AK9: variants seen among roughly 807,000 people sequenced by gnomAD.
The protein encoded by AK9 is adenylate kinase 9, also known as adenylate kinase domain containing 1.
In AK9, 191 loss-of-function variants were observed where a neutral mutation model predicts 239.6. That is an observed-to-expected ratio of 0.80 (90% confidence interval 0.71 to 0.90). The LOEUF (loss-of-function observed/expected upper bound fraction) is 0.90. AK9 is among the 40% of genes least tolerant of loss of function. The pLI is 0.00. For synonymous variants in AK9, 689 were observed against 721.0 expected, an observed-to-expected ratio of 0.96 and a Z score of 0.71; for missense variants, 1,995 against 2,214.7, an observed-to-expected ratio of 0.90 and a Z score of 1.99.
chr6:109,564,694 C>T (rs1360108475), intron 22 of AK9, 62 bp downstream of exon 22: 3 of 1,298,484 alleles, frequency 2.3e-6, no homozygotes, highest in African/African-American at 3.0e-5. Flanking sequence ...AATTAGGGAC[C>T]CTTTGTAAGA....
intron 8 of AK9, among the ~76,000 whole-genome samples, chr6:109,654,302 C>A (rs1799378752): frequency 6.6e-6 from 1 of 151,994 alleles, no homozygotes; most frequent in Non-Finnish European, 1.5e-5. Context: ...ATGTTTTGAA[C>A]AAGGCATCAC....
chr6:109,497,747 C>G (rs748847137), intron 37 of AK9, 49 bp downstream of exon 37: 2 of 1,576,062 alleles, frequency 1.3e-6, no homozygotes, highest in South Asian at 2.3e-5. Context: ...TGAACCACTT[C>G]TTTGGCGTAG....
chr6:109,500,034 T>TACACAC (rs36086518), intron 35 of AK9, among the ~76,000 whole-genome samples: 13,737 of 141,300 alleles, frequency 0.097, 685 homozygotes, highest in Admixed American at 0.14. Context: ...ATATATATGA[T>TACACAC]ACACACACAC....
chr6:109,579,600 A>T lies in AK9; in HGVS notation c.2141T>A (p.Leu714His), dbSNP rs967714289. The part of the protein sequence containing the change: ...ARKATEEELR[L>H]EEENRRLLEL... ...CAGTAGCCTTCGATTTTCTTCTTCG[A>T]GTCTCAATTCCTCTTCTGTGGCTTT... Residue 714 changes from leucine (L) to histidine (H), a missense_variant, in exon 20 of 41, where the codon CTC becomes CAC. Leu to His is a moderately conservative substitution (Grantham distance 99, BLOSUM62 -3). Around this residue, in one of 5 missense-constraint regions of AK9, gnomAD observed 1,290 missense variants for 1,392.7 expected, o/e 0.93. Coordinates refer to ENST00000424296, the MANE Select transcript of AK9 (RefSeq NM_001145128.3). The T allele has an allele frequency of 1.0e-5, 16 of 1,551,236 alleles. No individual in the cohort carries two copies. The highest frequency in any genetic ancestry group is 1.1e-5 in the Non-Finnish European group (13 of 1,146,816).
chr6:109,544,214 A>G (rs1783240613), intron 26 of AK9, among the ~76,000 whole-genome samples: 1 of 152,228 alleles, frequency 6.6e-6, no homozygotes, highest in Non-Finnish European at 1.5e-5. Flanking sequence ...TTTGAGTGTT[A>G]CATATAACTG....
In AK9 at chr6:109,605,388, T is replaced by G. The variant is rs1283764616; in HGVS notation, c.1842+4977A>C. ...ATGTTAATAAGGTATTCTGCTATCC[T>G]TAATGTGACAAGATAATTTATTGAG... On this transcript the variant is annotated intron_variant, in intron 17 of 40. Coordinates refer to ENST00000424296, the MANE Select transcript of AK9 (RefSeq NM_001145128.3). Among the ~76,000 whole-genome samples the G allele has an allele frequency of 3.9e-5, 6 of 152,222 alleles. No homozygotes were observed. In the East Asian group the frequency reaches 1.2e-3, roughly 29 times the overall value.
Position 109,575,419 on chromosome 6 carries a change from C to G in AK9, c.2192-1825G>C, listed in dbSNP as rs150277935. Among the ~76,000 whole-genome samples, 8 of 152,086 alleles carry G rather than the reference C, an allele frequency of 5.3e-5. No homozygotes were observed. The East Asian group carries it at 1.4e-3, about 26-fold the overall frequency. On this transcript the variant is annotated intron_variant, in intron 20 of 40. Transcript: ENST00000424296. Reference sequence around the variant, plus strand: ...TCACTATGGTTTTGATTTGCATTTCCCTGATAATTAGTGATGTTGAGCATT... The same window carrying G: ...TCACTATGGTTTTGATTTGCATTTCGCTGATAATTAGTGATGTTGAGCATT...
chr6:109,638,820 G>A (rs1356200671), intron 10 of AK9, among the ~76,000 whole-genome samples: 1 of 151,984 alleles, frequency 6.6e-6, no homozygotes, highest in Non-Finnish European at 1.5e-5. Flanking sequence ...CCCCACGACA[G>A]GCCATGTTGT....
intron 17 of AK9, among the ~76,000 whole-genome samples, chr6:109,589,071 G>A (rs1789885546): frequency 6.6e-6 from 1 of 151,886 alleles, no homozygotes; most frequent in Admixed American, 6.6e-5. Context: ...TCTTTTTATT[G>A]TTCTGTACAA....
At chr6:109,539,456 G>C (rs902444981) in intron 27 of AK9, among the ~76,000 whole-genome samples, 16 of 152,124 alleles carry the variant, frequency 1.1e-4, no homozygotes, top group Non-Finnish European at 1.5e-4. Flanking sequence ...AGCTTCATCA[G>C]GTCCTTTAAG....
intron 10 of AK9, among the ~76,000 whole-genome samples, chr6:109,640,581 T>C (rs1413602581): frequency 3.4e-5 from 1 of 29,768 alleles, no homozygotes; most frequent in Non-Finnish European, 1.0e-4. Context: ...ACCCCAATTT[T>C]TTTTTTTTTT....
At chr6:109,647,447 T>C (rs1347496355) in intron 8 of AK9, among the ~76,000 whole-genome samples, 1 of 152,146 alleles carries the variant, frequency 6.6e-6, no homozygotes, top group Non-Finnish European at 1.5e-5. Context: ...TCCTAGTCTC[T>C]GATAAAACAG....
intron 24 of AK9, among the ~76,000 whole-genome samples, chr6:109,557,640 A>G (rs933231578): frequency 6.6e-6 from 1 of 152,194 alleles, no homozygotes; most frequent in African/African-American, 2.4e-5. Context: ...CCCTCCTCCT[A>G]TGTTGATGAA....
In AK9 at chr6:109,633,332, T is replaced by C. The variant is rs201873666; in HGVS notation, c.934-9A>G. ...GTACGAAATAGCTCATCCTGTGAAT[T>C]GCAAATACTACATTAAAAATATGGG... On this transcript the variant is annotated splice_polypyrimidine_tract_variant and intron_variant, in intron 10 of 40. Transcript: ENST00000424296. 9 of 1,586,860 alleles carry C rather than the reference T, an allele frequency of 5.7e-6. No homozygotes were observed. The highest frequency in any genetic ancestry group is 6.8e-6 in the Non-Finnish European group (8 of 1,175,328).
chr6:109,641,446 G>A, intron 10 of AK9, 72 bp downstream of exon 10: 1 of 1,201,692 alleles, frequency 8.3e-7, no homozygotes, highest in Non-Finnish European at 1.2e-6. Flanking sequence ...TGGGATTACA[G>A]GTGTGAGCCA....
intron 5 of AK9, among the ~76,000 whole-genome samples, chr6:109,666,470 C>T (rs997605188): frequency 6.6e-6 from 1 of 152,162 alleles, no homozygotes; most frequent in African/African-American, 2.4e-5. Context: ...GAGTGGCGCA[C>T]CCCAAGCCAG....
intron 5 of AK9, 118 bp downstream of exon 5, chr6:109,671,801 A>G: frequency 1.3e-6 from 1 of 749,624 alleles, no homozygotes; most frequent in Middle Eastern, 2.5e-4. Context: ...GAATAGAGAT[A>G]ATGAGATTCT....
intron 26 of AK9, 144 bp downstream of exon 26, chr6:109,545,723 G>T: frequency 2.0e-6 from 2 of 983,342 alleles, no homozygotes; most frequent in South Asian, 1.7e-5. Context: ...GATCACCTGA[G>T]CCCAGGGAAG....
intron 22 of AK9, among the ~76,000 whole-genome samples, 172 bp downstream of exon 22, chr6:109,564,584 C>G (rs1786223540): frequency 6.6e-6 from 1 of 151,822 alleles, no homozygotes. Context: ...GTGTTATAAT[C>G]TAGTTTGATA....
Sources: allele counts gnomAD v4.1 joint callset (sites outside exome capture counted in the v4.1 genomes callset), GRCh38; gene constraint gnomAD v4.1.1; regional missense constraint gnomAD v4.1.1; transcripts MANE v1.5; gene names NCBI Gene and HGNC (gene_info 2026-07-23, HGNC 2026-07-21).